PDGFRL: variants seen among roughly 807,000 people sequenced by gnomAD.
The protein encoded by PDGFRL is platelet-derived growth factor receptor-like protein.
In PDGFRL, 46 loss-of-function variants were observed where a neutral mutation model predicts 37.2. The observed-to-expected ratio is 1.24, with a 90% CI of 0.98 to 1.58. PDGFRL has a LOEUF of 1.58. Ranked by LOEUF, PDGFRL falls within the 40% of genes most tolerant of loss-of-function variation. The pLI is 0.00. For missense variants in PDGFRL, 692 were observed against 467.6 expected, an observed-to-expected ratio of 1.48 and a Z score of -4.43; for synonymous variants, 251 against 184.3, an observed-to-expected ratio of 1.36 and a Z score of -2.93.
chr8:17,637,370 G>A (rs114941927), intron 5 of PDGFRL, among the ~76,000 whole-genome samples: 1 of 152,024 alleles, frequency 6.6e-6, no homozygotes, highest in South Asian at 2.1e-4. Flanking sequence ...ATTCTATGTG[G>A]TGTATCCCAT....
At chr8:17,602,595 G>C (rs1804189142) in intron 2 of PDGFRL, among the ~76,000 whole-genome samples, 1 of 152,128 alleles carries the variant, frequency 6.6e-6, no homozygotes, top group African/African-American at 2.4e-5. Context: ...GAATAGCTTT[G>C]CGTGGAAAGT....
At chr8:17,603,679 A>C (rs1228845832) in intron 2 of PDGFRL, among the ~76,000 whole-genome samples, 1 of 152,206 alleles carries the variant, frequency 6.6e-6, no homozygotes, top group Non-Finnish European at 1.5e-5. Flanking sequence ...TGCTAGGCAG[A>C]TGATGGAGAT....
chr8:17,611,109 C>A (rs186717577), intron 2 of PDGFRL, among the ~76,000 whole-genome samples: 3 of 152,302 alleles, frequency 2.0e-5, no homozygotes, highest in Admixed American at 6.5e-5. Flanking sequence ...TCTCTTTTCT[C>A]AGGAGTCCCC....
At chr8:17,613,958 G>A (rs546868398) in intron 2 of PDGFRL, among the ~76,000 whole-genome samples, 6 of 152,314 alleles carry the variant, frequency 3.9e-5, no homozygotes, top group South Asian at 2.1e-4. Context: ...ATTTCACAAC[G>A]TAACTGGTTG....
At chr8:17,639,984 T>G (rs1805057307) in intron 5 of PDGFRL, among the ~76,000 whole-genome samples, 2 of 152,184 alleles carry the variant, frequency 1.3e-5, no homozygotes, top group South Asian at 4.1e-4. Context: ...TTAAATTCTT[T>G]TTTGTTTGTC....
At chr8:17,603,944 A>G (rs532728546) in intron 2 of PDGFRL, among the ~76,000 whole-genome samples, 2 of 152,224 alleles carry the variant, frequency 1.3e-5, no homozygotes, top group Admixed American at 1.3e-4. Flanking sequence ...AGTGGGAAAG[A>G]GTATAAAACT....
intron 2 of PDGFRL, among the ~76,000 whole-genome samples, chr8:17,592,881 C>G (rs921271587): frequency 2.6e-5 from 4 of 151,828 alleles, no homozygotes; most frequent in African/African-American, 7.3e-5. Context: ...GACAAGCCTC[C>G]CTGATACATT....
chr8:17,588,563 C>T (rs2705023), intron 1 of PDGFRL, among the ~76,000 whole-genome samples: 3,754 of 152,002 alleles, frequency 0.025, 98 homozygotes, highest in Middle Eastern at 0.11. Flanking sequence ...GGCCTAGCTA[C>T]TCAGGAGGCT....
intron 2 of PDGFRL, among the ~76,000 whole-genome samples, chr8:17,613,297 C>T (rs1804459366): frequency 6.6e-6 from 1 of 152,132 alleles, no homozygotes; most frequent in Admixed American, 6.5e-5. Context: ...ATATACGCTT[C>T]TCATTTTCTC....
At chr8:17,578,614 A>T (rs1330500427) in intron 1 of PDGFRL, among the ~76,000 whole-genome samples, 1 of 152,164 alleles carries the variant, frequency 6.6e-6, no homozygotes, top group African/African-American at 2.4e-5. Context: ...TCATTTTTTG[A>T]ATAGGGCAGG....
intron 2 of PDGFRL, among the ~76,000 whole-genome samples, chr8:17,590,253 A>AC (rs1803908161): frequency 6.9e-6 from 1 of 144,542 alleles, no homozygotes; most frequent in African/African-American, 2.6e-5. Context: ...AAAAAAAAAA[A>AC]AAATTGCAAA....
At chr8:17,589,213 A>C (rs542589507) in intron 1 of PDGFRL, among the ~76,000 whole-genome samples, 2 of 152,128 alleles carry the variant, frequency 1.3e-5, no homozygotes, top group South Asian at 2.1e-4. Context: ...CCCTGTCTCC[A>C]TGTCTCTACT....
intron 1 of PDGFRL, among the ~76,000 whole-genome samples, chr8:17,584,901 G>A (rs1803783524): frequency 6.6e-6 from 1 of 152,058 alleles, no homozygotes; most frequent in South Asian, 2.1e-4. Context: ...TTCTTCATAG[G>A]CAGAGCAGCG....
rs1477402784 is a variant in PDGFRL at position 17,630,639 on chromosome 8, C to T, written c.799+1859C>T. 2.0e-5 allele frequency among the ~76,000 whole-genome samples: 3 copies of T among 152,270 alleles called. No individual in the cohort carries two copies. In the South Asian group the frequency reaches 6.2e-4, roughly 32 times the overall value. On this transcript the variant is annotated intron_variant, in intron 4 of 5. Coordinates refer to ENST00000251630, the MANE Select transcript of PDGFRL (RefSeq NM_001372073.1). ...GCCACAGTTCCCTCCGCTCCCCTCC[C>T]CTCCCCTCCCCTCCCTGCTGGGGCA...
chr8:17,641,901 G>GCCCCCCCCCACCCCCCC (rs1554556556), intron 5 of PDGFRL, among the ~76,000 whole-genome samples: 1 of 116,236 alleles, frequency 8.6e-6, no homozygotes, highest in Non-Finnish European at 1.7e-5. Flanking sequence ...AGAGGTCCCC[G>GCCCCCCCCCACCCCCCC]CCACATTGCT....
intron 4 of PDGFRL, 83 bp from the exon 5 acceptor site, chr8:17,633,991 T>C: frequency 1.5e-6 from 2 of 1,348,790 alleles, no homozygotes; most frequent in Non-Finnish European, 1.1e-6. Flanking sequence ...TCCATCTCTC[T>C]CCATGGAAAA....
chr8:17,620,355 A>G (rs1804605914), intron 2 of PDGFRL, among the ~76,000 whole-genome samples: 1 of 152,132 alleles, frequency 6.6e-6, no homozygotes, highest in East Asian at 1.9e-4. Flanking sequence ...TTTTCTTAAA[A>G]CAGAATATTT....
intron 3 of PDGFRL, 64 bp downstream of exon 3, chr8:17,621,266 T>C: frequency 9.0e-7 from 1 of 1,110,356 alleles, no homozygotes; most frequent in Non-Finnish European, 1.3e-6. Context: ...AGCTGAAGGT[T>C]CCCCCACTGC....
intron 2 of PDGFRL, among the ~76,000 whole-genome samples, chr8:17,603,580 A>G (rs2129670867): frequency 1.3e-5 from 2 of 152,148 alleles, no homozygotes; most frequent in Middle Eastern, 6.8e-3. Flanking sequence ...AGTAGTTATC[A>G]TTTGTCGAAC....
Sources: gnomAD v4.1 joint callset for allele counts (sites outside exome capture counted in the v4.1 genomes callset) on GRCh38, gnomAD v4.1.1 for gene constraint, MANE v1.5 for transcripts, NCBI Gene and HGNC (gene_info 2026-07-23, HGNC 2026-07-21) for gene names.